Variants in IFNLR1 observed in about 807,000 individuals in gnomAD.
The protein encoded by IFNLR1 is CRF2-12.
IFNLR1 carries 28 observed loss-of-function variants against 52.5 expected under a neutral mutation model. That is an observed-to-expected ratio of 0.53 (90% confidence interval 0.40 to 0.73). The LOEUF is 0.73. Ranked by LOEUF, IFNLR1 falls within the 30% of genes least tolerant of loss-of-function variation. The probability of loss-of-function intolerance (pLI) is 0.00; values close to 1 mark genes in which losing one functional copy is unlikely to be tolerated. For synonymous variants in IFNLR1, 276 were observed against 274.9 expected, an observed-to-expected ratio of 1.00 and a Z score of -0.04; for missense variants, 623 against 659.1, an observed-to-expected ratio of 0.95 and a Z score of 0.60.
intron 3 of IFNLR1, among the ~76,000 whole-genome samples, chr1:24,166,469 T>C (rs1644521115): frequency 6.6e-6 from 1 of 152,068 alleles, no homozygotes; most frequent in South Asian, 2.1e-4. Flanking sequence ...CCTGCCTGGA[T>C]GTCCTGCTTT....
At position 24,161,376 on chromosome 1, in the gene IFNLR1, C is replaced by A. The variant is rs1199339355; in HGVS notation, c.510+166G>T. The A allele has an allele frequency of 2.2e-5, 16 of 732,566 alleles. No homozygotes were observed. In the South Asian group the frequency reaches 2.8e-4, roughly 13 times the overall value. 45.4% of individuals were successfully genotyped at this position (732,566 alleles called of 1,614,324 possible). A position where few individuals can be genotyped will look rare whatever the true frequency, so the allele number is the denominator to read the frequency against. Reference sequence around the variant, plus strand: ...GGCAAGCAGGCCTCCTGTAGGTCATCATACTTTGATCAGATTTTATTAGGG... The same window carrying A: ...GGCAAGCAGGCCTCCTGTAGGTCATAATACTTTGATCAGATTTTATTAGGG... On this transcript the variant is annotated intron_variant, in intron 4 of 6. Coordinates refer to ENST00000327535, the MANE Select transcript of IFNLR1 (RefSeq NM_170743.4).
chr1:24,182,926 T>A (rs985139611), intron 1 of IFNLR1, among the ~76,000 whole-genome samples: 6 of 151,264 alleles, frequency 4.0e-5, no homozygotes, highest in African/African-American at 1.2e-4. Context: ...CTCAAATAAA[T>A]AAATAAATAA....
At chr1:24,165,002 A>G (rs376770823) in intron 3 of IFNLR1, among the ~76,000 whole-genome samples, 18 of 152,266 alleles carry the variant, frequency 1.2e-4, no homozygotes, top group African/African-American at 4.1e-4. Context: ...ACCTCAGGTG[A>G]TCTGCTCGCC....
intron 4 of IFNLR1, among the ~76,000 whole-genome samples, chr1:24,161,022 T>C (rs1644437020): frequency 6.6e-6 from 1 of 152,056 alleles, no homozygotes; most frequent in African/African-American, 2.4e-5. Context: ...CCACCGCACC[T>C]GGCCTGTAAA....
At position 24,159,722 on chromosome 1, in the gene IFNLR1, G is replaced by C. The variant is rs535290968; in HGVS notation, c.511-89C>G. 621 of 830,586 alleles carry C rather than the reference G, an allele frequency of 7.5e-4. 7 individuals carry two copies. In the South Asian group the frequency reaches 7.6e-3, roughly 10 times the overall value. The allele number at this position is 830,586 out of a possible 1,614,324, so 51.5% of individuals were successfully genotyped here. On this transcript the variant is annotated intron_variant, in intron 4 of 6. Transcript: ENST00000327535. The stretch of plus-strand genomic sequence containing the variant: ...CAGAGTGGGGTTGGCAGACATGGTA[G>C]GGTGTTTTTTTTTTGTTTTTTTTTT...
At chr1:24,166,718 A>AAT (rs747950650) in intron 3 of IFNLR1, among the ~76,000 whole-genome samples, 7 of 148,554 alleles carry the variant, frequency 4.7e-5, no homozygotes, top group African/African-American at 1.2e-4. Context: ...AGCGAATTTA[A>AAT]TTTTTTTTTT....
In IFNLR1 at chr1:24,157,778, C is replaced by T. The variant is rs575592471; in HGVS notation, c.915G>A (p.Thr305=). 202 of 1,614,176 alleles carry T rather than the reference C, an allele frequency of 1.3e-4. No individual in the cohort carries two copies. Among genetic ancestry groups the T allele is most frequent in the Admixed American group, 2.7e-4 (16 of 60,030 alleles). The stretch of plus-strand genomic sequence containing the variant: ...GGGTGGCTGGGGCCCTGACTCGAGG[C>T]GTCGGCCTGACCCCTCTGGTCAGTT... ...QKELTRGVRP[T]PRVRAPATQQ... is the part of the protein sequence containing the mutation. The change falls in exon 7 of 7, where the codon ACG becomes ACA. Residue 305 remains threonine, a synonymous_variant. Transcript: ENST00000327535. The surrounding 1 kb of genome is among the most constrained non-coding windows in gnomAD (Gnocchi z 5.1).
chr1:24,164,667 A>G (rs1644499678), intron 3 of IFNLR1, among the ~76,000 whole-genome samples: 1 of 152,034 alleles, frequency 6.6e-6, no homozygotes. Flanking sequence ...GAGCCTTTTG[A>G]GCGACTGAGT....
In IFNLR1 at chr1:24,187,275, C is replaced by G. The variant is rs765579756; in HGVS notation, c.-27G>C. On this transcript the variant is annotated 5_prime_UTR_variant, in exon 1 of 7. Transcript: ENST00000327535. Reference sequence around the variant, plus strand: ...GCCTTCCTGCCGCGGCGTCCCCGCCCGGGCCCAGGTCCCCGCCTCCCGCCT... The same window carrying G: ...GCCTTCCTGCCGCGGCGTCCCCGCCGGGGCCCAGGTCCCCGCCTCCCGCCT... 5.6e-6 allele frequency: 7 copies of G among 1,259,530 alleles called. No individual in the cohort carries two copies. In the African/African-American group the frequency reaches 6.2e-5, roughly 11 times the overall value. 78.0% of individuals were successfully genotyped at this position (1,259,530 alleles called of 1,614,324 possible).
chr1:24,163,106 G>A (rs757495475), intron 3 of IFNLR1, among the ~76,000 whole-genome samples: 52 of 150,548 alleles, frequency 3.5e-4, no homozygotes, highest in Non-Finnish European at 5.5e-4. Flanking sequence ...GATTACAGGC[G>A]CCCGCCACCA....
At chr1:24,159,341 G>A (rs1644415578) in intron 5 of IFNLR1, 133 bp downstream of exon 5, 1 of 1,233,800 alleles carries the variant, frequency 8.1e-7, no homozygotes, top group Non-Finnish European at 1.2e-6. Flanking sequence ...TATGTAAGCT[G>A]CCCAAAGACA....
chr1:24,159,759 T>G, intron 4 of IFNLR1, 126 bp from the exon 5 acceptor site: 2 of 808,844 alleles, frequency 2.5e-6, no homozygotes, highest in Non-Finnish European at 3.8e-6. Flanking sequence ...TGTTTTTTTG[T>G]AGGGGATAGG....
At chr1:24,178,283 T>TA (rs570013616) in intron 2 of IFNLR1, among the ~76,000 whole-genome samples, 74 of 144,242 alleles carry the variant, frequency 5.1e-4, no homozygotes, top group African/African-American at 1.4e-3. Context: ...AAGCTCTGTC[T>TA]AAAAAAAAAA....
chr1:24,180,874 C>T lies in IFNLR1; in HGVS notation c.59-20G>A. On this transcript the variant is annotated intron_variant, in intron 1 of 6. Transcript: ENST00000327535. ...GCCTCCCTGGGGGAAAGAAAGGGGT[C>T]ATGAAGCCTGGAGCTCCTGGCTGGT... is the stretch of plus-strand genomic sequence containing the variant. 1 of 1,610,072 alleles carries T rather than the reference C, an allele frequency of 6.2e-7. No individual in the cohort carries two copies. Among genetic ancestry groups the T allele is most frequent in the Non-Finnish European group, 8.5e-7 (1 of 1,178,842 alleles).
chr1:24,165,715 TGTGGTCAAGGTAAAC>T lies in IFNLR1; in HGVS notation c.367+3687_367+3701del, dbSNP rs573177932. 2.3e-3 allele frequency among the ~76,000 whole-genome samples: 356 copies of T among 152,358 alleles called. 2 individuals are homozygous for T. The highest frequency in any genetic ancestry group is 0.016 in the Admixed American group (242 of 15,298). On this transcript the variant is annotated intron_variant, in intron 3 of 6. Coordinates refer to ENST00000327535, the MANE Select transcript of IFNLR1 (RefSeq NM_170743.4). ...ACACTAGTCACCTTTGCCCTGTGTT[TGTGGTCAAGGTAAAC>T]ATGTGGCTTCTTCATGATGTCATTA...
chr1:24,171,555 CAT>C (rs1432462152), intron 2 of IFNLR1, among the ~76,000 whole-genome samples: 1 of 152,208 alleles, frequency 6.6e-6, no homozygotes, highest in East Asian at 1.9e-4. Flanking sequence ...GTGGCACAAA[CAT>C]AGCTCACTGC....
intron 1 of IFNLR1, among the ~76,000 whole-genome samples, chr1:24,181,642 A>G (rs915143752): frequency 3.7e-4 from 56 of 152,254 alleles, no homozygotes; most frequent in African/African-American, 1.3e-3. Flanking sequence ...TGTAAGTAAT[A>G]AGCCTTTGAA....
At chr1:24,172,904 C>T (rs1644595589) in intron 2 of IFNLR1, among the ~76,000 whole-genome samples, 1 of 152,130 alleles carries the variant, frequency 6.6e-6, no homozygotes, top group African/African-American at 2.4e-5. Context: ...CTTCTGTGTG[C>T]ATGCGCTCTT....
intron 2 of IFNLR1, among the ~76,000 whole-genome samples, chr1:24,178,180 T>C (rs945874094): frequency 2.8e-4 from 43 of 151,792 alleles, no homozygotes; most frequent in African/African-American, 1.0e-3. Context: ...AACTACTTAG[T>C]AGGCTGAGGC....
Sources: allele counts gnomAD v4.1 joint callset (sites outside exome capture counted in the v4.1 genomes callset), GRCh38; gene constraint gnomAD v4.1.1; non-coding constraint Gnocchi (gnomAD v3.1); transcripts MANE v1.5; gene names NCBI Gene and HGNC (gene_info 2026-07-23, HGNC 2026-07-21).